EPHA5: variants seen among roughly 807,000 people sequenced by gnomAD.
EPHA5 encodes ephrin type-A receptor 5.
EPHA5 carries 60 observed loss-of-function variants against 105.0 expected under a neutral mutation model. The ratio of observed to expected loss-of-function variants is 0.57; its 90% CI spans 0.46 to 0.71. The LOEUF is 0.71. EPHA5 is among the 30% of genes least tolerant of loss of function. EPHA5 has a pLI of 0.00. For missense variants in EPHA5, 1,218 were observed against 1,274.7 expected (o/e 0.96, Z 0.68); for synonymous variants, 513 against 449.1 (o/e 1.14, Z -1.80).
chr4:65,657,621 A>G (rs1749187894), intron 1 of EPHA5, among the ~76,000 whole-genome samples: 1 of 152,182 alleles, frequency 6.6e-6, no homozygotes, highest in South Asian at 2.1e-4. Flanking sequence ...GAAAGACTGC[A>G]ATACCAGAGA....
chr4:65,591,616 A>ATTT (rs1326189927), intron 3 of EPHA5, among the ~76,000 whole-genome samples: 1 of 140,554 alleles, frequency 7.1e-6, no homozygotes, highest in African/African-American at 3.0e-5. Context: ...TTTTTTTAAA[A>ATTT]AAAAAGCTTC....
chr4:65,621,258 T>C (rs1745681176), intron 2 of EPHA5, among the ~76,000 whole-genome samples: 1 of 152,152 alleles, frequency 6.6e-6, no homozygotes, highest in South Asian at 2.1e-4. Flanking sequence ...TATGCCTGTT[T>C]TGACAATATG....
intron 3 of EPHA5, among the ~76,000 whole-genome samples, chr4:65,550,066 A>G (rs1560683640): frequency 6.6e-6 from 1 of 152,058 alleles, no homozygotes; most frequent in Non-Finnish European, 1.5e-5. Context: ...ACACACCCAC[A>G]AAAATCCTTA....
chr4:65,538,566 T>C (rs1439166528), intron 3 of EPHA5, among the ~76,000 whole-genome samples: 2 of 151,744 alleles, frequency 1.3e-5, no homozygotes, highest in African/African-American at 4.8e-5. Context: ...CAATAAAATA[T>C]ACACTCTGGA....
Position 65,348,815 on chromosome 4 carries a change from A to ATAT in EPHA5, c.2446-613_2446-612insATA, listed in dbSNP as rs71657404. Among the ~76,000 whole-genome samples, 461 of 64,100 alleles carry ATAT rather than the reference A, an allele frequency of 7.2e-3. 53 individuals are homozygous for ATAT. Among genetic ancestry groups the ATAT allele is most frequent in the Non-Finnish European group, 9.2e-3 (341 of 37,246 alleles). 42.1% of individuals were successfully genotyped at this position (64,100 alleles called of 152,430 possible). Reference sequence around the variant, plus strand: ...TGTGTATATATATATATATATATATATTTTTTTTTTTTTTTTTTGAGACAG... The same window carrying ATAT: ...TGTGTATATATATATATATATATATATATTTTTTTTTTTTTTTTTTTGAGACAG... On this transcript the variant is annotated intron_variant, in intron 13 of 16. Coordinates refer to ENST00000613740, the MANE Select transcript of EPHA5 (RefSeq NM_001281766.3).
chr4:65,540,625 C>T (rs985127381), intron 3 of EPHA5, among the ~76,000 whole-genome samples: 2 of 151,284 alleles, frequency 1.3e-5, no homozygotes, highest in Admixed American at 1.3e-4. Flanking sequence ...ATGGCAGGTT[C>T]GTATTACACC....
chr4:65,384,742 TC>T (rs1719916214), intron 8 of EPHA5, among the ~76,000 whole-genome samples: 1 of 151,892 alleles, frequency 6.6e-6, no homozygotes, highest in Non-Finnish European at 1.5e-5. Context: ...CTTTACTAGT[TC>T]AATAAAGGGA....
intron 14 of EPHA5, among the ~76,000 whole-genome samples, chr4:65,342,003 TTA>T (rs1253673469): frequency 1.3e-5 from 2 of 152,152 alleles, no homozygotes; most frequent in African/African-American, 4.8e-5. Context: ...TAAAGATATA[TTA>T]TGTTTTTTTC....
rs117761637 is a variant in EPHA5 at position 65,501,458 on chromosome 4, C to A, written c.911-5915G>T. On this transcript the variant is annotated intron_variant, in intron 3 of 16. Coordinates refer to ENST00000613740, the MANE Select transcript of EPHA5 (RefSeq NM_001281766.3). ...AAAAATCAGTAGCATTTCGATATAT[C>A]CATAACATTCAAGCTGAGAGCCAAA... Among the ~76,000 whole-genome samples the A allele has an allele frequency of 6.7e-4, 102 of 151,656 alleles. 2 individuals are homozygous for A. In the East Asian group the frequency reaches 0.014, roughly 21 times the overall value.
intron 3 of EPHA5, among the ~76,000 whole-genome samples, chr4:65,560,878 A>G (rs894065352): frequency 1.3e-5 from 2 of 152,022 alleles, no homozygotes; most frequent in African/African-American, 4.8e-5. Flanking sequence ...AAATGCAGTG[A>G]TTTTGTTTTT....
intron 3 of EPHA5, among the ~76,000 whole-genome samples, chr4:65,513,642 T>G (rs1206345473): frequency 6.6e-6 from 1 of 152,192 alleles, no homozygotes; most frequent in Non-Finnish European, 1.5e-5. Flanking sequence ...TGCCTCTGCC[T>G]CCCAAAGTGC....
At chr4:65,615,325 C>T (rs1168336307) in intron 2 of EPHA5, among the ~76,000 whole-genome samples, 2 of 151,692 alleles carry the variant, frequency 1.3e-5, no homozygotes, top group African/African-American at 2.4e-5. Flanking sequence ...AATTGGGGTA[C>T]ATACAAAAGT....
At chr4:65,437,517 C>A (rs1413140221) in intron 5 of EPHA5, among the ~76,000 whole-genome samples, 3 of 151,956 alleles carry the variant, frequency 2.0e-5, no homozygotes, top group Non-Finnish European at 4.4e-5. Context: ...TTGACCATAT[C>A]TTCTTAGAAT....
At chr4:65,553,794 A>T in intron 3 of EPHA5, among the ~76,000 whole-genome samples, 1 of 152,076 alleles carries the variant, frequency 6.6e-6, no homozygotes, top group East Asian at 1.9e-4. Context: ...TAAATTATAT[A>T]TGGAGAGAGT....
intron 3 of EPHA5, among the ~76,000 whole-genome samples, chr4:65,496,724 C>T (rs1417427958): frequency 6.6e-6 from 1 of 152,012 alleles, no homozygotes; most frequent in Non-Finnish European, 1.5e-5. Context: ...GCATGATTTA[C>T]AGTCCTTTGG....
intron 3 of EPHA5, among the ~76,000 whole-genome samples, chr4:65,571,611 T>A (rs1041207297): frequency 2.0e-5 from 3 of 152,110 alleles, no homozygotes; most frequent in Admixed American, 2.0e-4. Context: ...GCTTTTCCCA[T>A]CTTTTTTTCT....
chr4:65,331,875 C>G, intron 16 of EPHA5, 98 bp downstream of exon 16: 1 of 1,470,576 alleles, frequency 6.8e-7, no homozygotes, highest in Non-Finnish European at 9.0e-7. Flanking sequence ...CACACATCCG[C>G]AAAGGTTAAC....
intron 3 of EPHA5, among the ~76,000 whole-genome samples, chr4:65,575,287 G>A (rs948595617): frequency 5.3e-5 from 8 of 152,072 alleles, no homozygotes; most frequent in African/African-American, 1.9e-4. Flanking sequence ...AAATCAGTGG[G>A]CTCCCACAAG....
chr4:65,625,153 C>G (rs907495465), intron 2 of EPHA5, among the ~76,000 whole-genome samples: 4 of 151,914 alleles, frequency 2.6e-5, no homozygotes, highest in African/African-American at 9.7e-5. Flanking sequence ...ACATATTAAA[C>G]TTTGTAGAAC....
Sources: allele counts gnomAD v4.1 joint callset (sites outside exome capture counted in the v4.1 genomes callset), GRCh38; gene constraint gnomAD v4.1.1; transcripts MANE v1.5; gene names NCBI Gene and HGNC (gene_info 2026-07-23, HGNC 2026-07-21).